The following NALF1 variants were observed in gnomAD, a reference collection of about 807,000 sequenced individuals.
NALF1 encodes family with sequence similarity 155 member A.
In NALF1, 3 loss-of-function variants were observed where a neutral mutation model predicts 48.4. That is an observed-to-expected ratio of 0.06 (90% confidence interval 0.03 to 0.16). The LOEUF is 0.16. NALF1 is among the 10% of genes least tolerant of loss of function. NALF1 has a pLI of 1.00. For missense variants in NALF1, 526 were observed against 571.5 expected (o/e 0.92, Z 0.81); for synonymous variants, 262 against 245.7 (o/e 1.07, Z -0.62).
chr13:107,187,550 T>TGGGG (rs1187658264), intron 2 of NALF1, among the ~76,000 whole-genome samples: 1 of 152,214 alleles, frequency 6.6e-6, no homozygotes, highest in Non-Finnish European at 1.5e-5. Context: ...CTGAGGCTCC[T>TGGGG]GACTTCCACC....
At chr13:107,718,175 T>G (rs569789778) in intron 1 of NALF1, among the ~76,000 whole-genome samples, 53 of 152,194 alleles carry the variant, frequency 3.5e-4, no homozygotes, top group African/African-American at 1.3e-3. Context: ...CCTTCTAGAG[T>G]CTTTCCCACT....
In NALF1 at chr13:107,424,039, C is replaced by A. The variant is rs1320540544; in HGVS notation, c.916-213284G>T. Among the ~76,000 whole-genome samples, 3 of 151,914 alleles carry A rather than the reference C, an allele frequency of 2.0e-5. No individual in the cohort carries two copies. In the South Asian group the frequency reaches 6.2e-4, roughly 32 times the overall value. On this transcript the variant is annotated intron_variant, in intron 1 of 2. Coordinates refer to ENST00000375915, the MANE Select transcript of NALF1 (RefSeq NM_001080396.3). ...GGGAATGGTCTGAAGCAATTACTAC[C>A]GGGATGTTTGCTAAGTGTGACTTTC...
intron 1 of NALF1, among the ~76,000 whole-genome samples, chr13:107,434,113 A>C (rs1884426148): frequency 6.6e-6 from 1 of 152,232 alleles, no homozygotes; most frequent in African/African-American, 2.4e-5. Context: ...GGGCATAGCC[A>C]ATTTGAGAAT....
In NALF1 at chr13:107,403,291, T is replaced by C. The variant is rs370717601; in HGVS notation, c.916-192536A>G. Among the ~76,000 whole-genome samples the C allele has an allele frequency of 3.4e-5, 5 of 147,860 alleles. No homozygotes were observed. In the South Asian group the frequency reaches 9.0e-4, roughly 27 times the overall value. On this transcript the variant is annotated intron_variant, in intron 1 of 2. Coordinates refer to ENST00000375915, the MANE Select transcript of NALF1 (RefSeq NM_001080396.3). The stretch of plus-strand genomic sequence containing the variant: ...TGAAAACAACTCAAAATACAATTTC[T>C]AGTTCTTAAAAACTCTTTTAAGCCA...
intron 1 of NALF1, among the ~76,000 whole-genome samples, chr13:107,590,175 AATG>A (rs1878566576): frequency 6.6e-6 from 1 of 152,028 alleles, no homozygotes; most frequent in Non-Finnish European, 1.5e-5. Flanking sequence ...AGATAAATGA[AATG>A]ATAAAAAATT....
At chr13:107,326,355 A>T (rs74331131) in intron 1 of NALF1, among the ~76,000 whole-genome samples, 248 of 152,270 alleles carry the variant, frequency 1.6e-3, no homozygotes, top group African/African-American at 5.4e-3. Flanking sequence ...CTGGTGCGTG[A>T]AAATCTGGCC....
At chr13:107,805,430 T>A (rs932229895) in intron 1 of NALF1, among the ~76,000 whole-genome samples, 16 of 152,318 alleles carry the variant, frequency 1.1e-4, no homozygotes, top group African/African-American at 3.8e-4. Flanking sequence ...GAAGCATAGA[T>A]GATATTTTAG....
intron 1 of NALF1, among the ~76,000 whole-genome samples, chr13:107,523,888 A>G (rs1195170202): frequency 1.3e-5 from 2 of 152,156 alleles, no homozygotes; most frequent in Non-Finnish European, 2.9e-5. Context: ...ATAACCTCTT[A>G]TTTTCATTTT....
intron 1 of NALF1, among the ~76,000 whole-genome samples, chr13:107,656,775 A>G (rs1282205366): frequency 6.6e-6 from 1 of 152,144 alleles, no homozygotes; most frequent in Non-Finnish European, 1.5e-5. Flanking sequence ...CTATCAATCA[A>G]TGAGTGGATA....
chr13:107,271,774 CTATATATATATATATA>C (rs397838456), intron 1 of NALF1, among the ~76,000 whole-genome samples: 9 of 27,630 alleles, frequency 3.3e-4, no homozygotes, highest in Non-Finnish European at 5.2e-4. Flanking sequence ...TGCTACTGGA[CTATATATATATATATA>C]TATATATATA....
At chr13:107,209,662 C>T (rs1879719098) in intron 2 of NALF1, among the ~76,000 whole-genome samples, 1 of 152,174 alleles carries the variant, frequency 6.6e-6, no homozygotes, top group South Asian at 2.1e-4. Flanking sequence ...TCTTAATATG[C>T]TACTCTGTTT....
At chr13:107,648,751 C>G (rs1453878462) in intron 1 of NALF1, among the ~76,000 whole-genome samples, 1 of 152,084 alleles carries the variant, frequency 6.6e-6, no homozygotes, top group East Asian at 1.9e-4. Flanking sequence ...GTGTATGAAA[C>G]TCTCAAATCA....
intron 2 of NALF1, among the ~76,000 whole-genome samples, chr13:107,202,045 G>A (rs4772858): frequency 0.19 from 28,919 of 151,992 alleles, 3,304 homozygotes; most frequent in East Asian, 0.5. Flanking sequence ...CATAATAACC[G>A]GAGAACCATC....
At chr13:107,393,036 A>G (rs189448270) in intron 1 of NALF1, among the ~76,000 whole-genome samples, 31 of 152,280 alleles carry the variant, frequency 2.0e-4, no homozygotes, top group Admixed American at 5.9e-4. Context: ...TTTAGGAACT[A>G]AAGGAACACT....
intron 1 of NALF1, among the ~76,000 whole-genome samples, chr13:107,416,516 T>C (rs928695780): frequency 1.3e-5 from 2 of 152,188 alleles, no homozygotes; most frequent in Non-Finnish European, 2.9e-5. Flanking sequence ...ACTTAAATAA[T>C]AGTAAATATA....
intron 1 of NALF1, among the ~76,000 whole-genome samples, chr13:107,383,723 C>T (rs548944607): frequency 6.6e-6 from 1 of 152,258 alleles, no homozygotes; most frequent in Admixed American, 6.5e-5. Context: ...GACCAATTTG[C>T]CTGACAACAT....
chr13:107,557,481 T>C (rs1469214961), intron 1 of NALF1, among the ~76,000 whole-genome samples: 1 of 151,984 alleles, frequency 6.6e-6, no homozygotes, highest in Non-Finnish European at 1.5e-5. Context: ...GCAGTGTTGT[T>C]AGTAGGTTTG....
intron 1 of NALF1, among the ~76,000 whole-genome samples, chr13:107,752,518 T>C (rs567538531): frequency 6.6e-6 from 1 of 152,106 alleles, no homozygotes; most frequent in Non-Finnish European, 1.5e-5. Context: ...AATGGAATAA[T>C]GGAATACTAT....
chr13:107,166,607 C>T lies in NALF1; in HGVS notation c.*3890G>A, dbSNP rs1878664412. 6.6e-6 allele frequency: 1 copy of T among 152,044 alleles called. No homozygotes were observed. The highest frequency in any genetic ancestry group is 1.5e-5 in the Non-Finnish European group (1 of 68,002). The allele number at this position is 152,044 out of a possible 1,614,324, so 9.4% of individuals were successfully genotyped here. Reference sequence around the variant, plus strand: ...ACTGGTTAACGTTTTTGATGTTGTTCAGATATCAAATACCATATGCCAATT... The same window carrying T: ...ACTGGTTAACGTTTTTGATGTTGTTTAGATATCAAATACCATATGCCAATT... On this transcript the variant is annotated 3_prime_UTR_variant, in exon 3 of 3. Transcript: ENST00000375915.
Sources: gnomAD v4.1 joint callset for allele counts (sites outside exome capture counted in the v4.1 genomes callset) on GRCh38, gnomAD v4.1.1 for gene constraint, MANE v1.5 for transcripts, NCBI Gene and HGNC (gene_info 2026-07-23, HGNC 2026-07-21) for gene names.